Variants in ZBTB7C observed in about 807,000 individuals in gnomAD.
ZBTB7C encodes zinc finger and BTB domain-containing protein 7C.
ZBTB7C carries 8 observed loss-of-function variants against 25.7 expected under a neutral mutation model. The observed-to-expected ratio is 0.31, with a 90% CI of 0.18 to 0.56. ZBTB7C has a LOEUF of 0.56. Ranked by LOEUF, ZBTB7C falls within the 20% of genes least tolerant of loss-of-function variation. The pLI, the probability that ZBTB7C is intolerant of heterozygous loss-of-function variation, is 0.91. For missense variants in ZBTB7C, 824 were observed against 855.2 expected, an observed-to-expected ratio of 0.96 and a Z score of 0.46; for synonymous variants, 394 against 369.0, an observed-to-expected ratio of 1.07 and a Z score of -0.78.
At chr18:48,289,883 C>T (rs924368937) in intron 2 of ZBTB7C, among the ~76,000 whole-genome samples, 1 of 152,046 alleles carries the variant, frequency 6.6e-6, no homozygotes, top group Admixed American at 6.5e-5. Context: ...TAGCAGTTAC[C>T]ATCCGAGACA....
At chr18:48,254,511 G>A (rs922532838) in intron 2 of ZBTB7C, among the ~76,000 whole-genome samples, 8 of 152,228 alleles carry the variant, frequency 5.3e-5, no homozygotes, top group Non-Finnish European at 1.2e-4. Flanking sequence ...GCAGTCCGCC[G>A]CTTTTCCCTT....
chr18:48,309,359 T>C (rs529321882), intron 2 of ZBTB7C, among the ~76,000 whole-genome samples: 1 of 152,254 alleles, frequency 6.6e-6, no homozygotes, highest in Non-Finnish European at 1.5e-5. Flanking sequence ...TACAATCTTT[T>C]CTTTAAAAGC....
At chr18:48,301,401 C>A (rs1041116734) in intron 2 of ZBTB7C, among the ~76,000 whole-genome samples, 5 of 152,182 alleles carry the variant, frequency 3.3e-5, no homozygotes, top group Non-Finnish European at 7.3e-5. Context: ...ACTGCTTGAA[C>A]CCAGGAGGCA....
intron 1 of ZBTB7C, among the ~76,000 whole-genome samples, chr18:48,403,958 A>T (rs933705334): frequency 6.6e-6 from 1 of 151,838 alleles, no homozygotes; most frequent in Non-Finnish European, 1.5e-5. Context: ...AAAAGAAAAG[A>T]AAAAAAAAGA....
intron 2 of ZBTB7C, among the ~76,000 whole-genome samples, chr18:48,215,716 G>C (rs537561460): frequency 4.6e-5 from 7 of 152,282 alleles, no homozygotes; most frequent in Admixed American, 4.6e-4. Context: ...CCTTTAAAAG[G>C]TGCTGGTCTC....
At chr18:48,138,830 AG>A (rs781672023) in intron 3 of ZBTB7C, among the ~76,000 whole-genome samples, 4 of 152,180 alleles carry the variant, frequency 2.6e-5, no homozygotes, top group Non-Finnish European at 5.9e-5. Flanking sequence ...AGACCCCAGG[AG>A]GTAAAGGTGC....
At chr18:48,092,714 AGAT>A (rs2038465022) in intron 3 of ZBTB7C, among the ~76,000 whole-genome samples, 1 of 152,252 alleles carries the variant, frequency 6.6e-6, no homozygotes, top group South Asian at 2.1e-4. Flanking sequence ...ACTCATATGC[AGAT>A]GAAAGGCCTT....
At chr18:48,273,357 T>C (rs2044547440) in intron 2 of ZBTB7C, among the ~76,000 whole-genome samples, 1 of 151,508 alleles carries the variant, frequency 6.6e-6, no homozygotes, top group Non-Finnish European at 1.5e-5. Context: ...AGATGGACAA[T>C]TAAGAAAAAA....
chr18:48,229,145 C>T (rs1238249545), intron 2 of ZBTB7C, among the ~76,000 whole-genome samples: 7 of 152,122 alleles, frequency 4.6e-5, no homozygotes, highest in African/African-American at 1.4e-4. Flanking sequence ...GCCACGTGCC[C>T]GCCCAGGCAG....
intron 2 of ZBTB7C, among the ~76,000 whole-genome samples, chr18:48,259,172 A>G (rs2044100464): frequency 6.6e-6 from 1 of 152,136 alleles, no homozygotes; most frequent in African/African-American, 2.4e-5. Flanking sequence ...CTGGCTTTGA[A>G]CTACTGAGCA....
At position 48,259,458 on chromosome 18, in the gene ZBTB7C, A is replaced by C. The variant is rs2044109304; in HGVS notation, c.-78-73463T>G. Among the ~76,000 whole-genome samples, 3 of 126,476 alleles carry C rather than the reference A, an allele frequency of 2.4e-5. 1 individual carries two copies. The highest frequency in any genetic ancestry group is 1.6e-5 in the Non-Finnish European group (1 of 64,032). The allele number at this position is 126,476 out of a possible 152,430, so 83.0% of individuals were successfully genotyped here. A position where few individuals can be genotyped will look rare whatever the true frequency, so the allele number is the denominator to read the frequency against. ...AATTTTTGGACAAAAACAAGAGAAA[A>C]ATCTTTCTGACCTTCAGTTAGGCAA... is the stretch of plus-strand genomic sequence containing the variant. On this transcript the variant is annotated intron_variant, in intron 2 of 4. Coordinates refer to ENST00000590800, the MANE Select transcript of ZBTB7C (RefSeq NM_001318841.2).
chr18:48,272,918 T>G (rs2044534974), intron 2 of ZBTB7C, among the ~76,000 whole-genome samples: 1 of 152,180 alleles, frequency 6.6e-6, no homozygotes, highest in Non-Finnish European at 1.5e-5. Context: ...ACATATTGTA[T>G]GATTCTATTT....
intron 1 of ZBTB7C, among the ~76,000 whole-genome samples, chr18:48,392,656 A>G (rs1008064548): frequency 2.6e-5 from 4 of 152,158 alleles, no homozygotes; most frequent in African/African-American, 4.8e-5. Flanking sequence ...TCTCTCCCCT[A>G]TCCCACAAAC....
intron 1 of ZBTB7C, among the ~76,000 whole-genome samples, chr18:48,377,275 C>A (rs1443474153): frequency 1.3e-5 from 2 of 152,204 alleles, no homozygotes; most frequent in African/African-American, 4.8e-5. Flanking sequence ...TAAAGATGAA[C>A]AAGAGGTAGC....
chr18:48,225,023 CTCTT>C (rs1315344861), intron 2 of ZBTB7C, among the ~76,000 whole-genome samples: 4 of 152,210 alleles, frequency 2.6e-5, no homozygotes, highest in African/African-American at 7.2e-5. Context: ...TTGCAGAACT[CTCTT>C]TGTAATATTT....
At chr18:48,306,725 G>T (rs1032582612) in intron 2 of ZBTB7C, among the ~76,000 whole-genome samples, 3 of 152,074 alleles carry the variant, frequency 2.0e-5, no homozygotes, top group Non-Finnish European at 4.4e-5. Flanking sequence ...CTGTCCCCAG[G>T]TATGGGGTCA....
chr18:48,117,493 C>T (rs906112851), intron 3 of ZBTB7C, among the ~76,000 whole-genome samples: 2 of 152,336 alleles, frequency 1.3e-5, no homozygotes, highest in South Asian at 4.1e-4. Context: ...AGCTCAGCTA[C>T]TTTCCTGCTA....
chr18:48,096,426 T>C (rs1372912272), intron 3 of ZBTB7C, among the ~76,000 whole-genome samples: 2 of 152,212 alleles, frequency 1.3e-5, no homozygotes, highest in Non-Finnish European at 2.9e-5. Flanking sequence ...CCTGATGACA[T>C]CAGGGTGGCC....
At chr18:48,205,438 G>A (rs905531763) in intron 2 of ZBTB7C, among the ~76,000 whole-genome samples, 2 of 151,700 alleles carry the variant, frequency 1.3e-5, no homozygotes, top group Admixed American at 1.3e-4. Context: ...AGAAATGGAG[G>A]TACTATGTTC....
Sources: allele counts gnomAD v4.1 joint callset (sites outside exome capture counted in the v4.1 genomes callset), GRCh38; gene constraint gnomAD v4.1.1; transcripts MANE v1.5; gene names NCBI Gene and HGNC (gene_info 2026-07-23, HGNC 2026-07-21).